The following DSCAM variants were observed in gnomAD, a reference collection of about 807,000 sequenced individuals.
DSCAM encodes cell adhesion molecule DSCAM.
In DSCAM, 47 loss-of-function variants were observed where a neutral mutation model predicts 217.7. The ratio of observed to expected loss-of-function variants is 0.22; its 90% CI spans 0.17 to 0.28. The LOEUF is 0.28. Among genes scored for constraint, DSCAM ranks in the 10% least tolerant of loss-of-function variants. The pLI is 1.00. For synonymous variants in DSCAM, 1,056 were observed against 1,015.3 expected, an observed-to-expected ratio of 1.04 and a Z score of -0.76; for missense variants, 2,080 against 2,618.3, an observed-to-expected ratio of 0.79 and a Z score of 4.49.
intron 3 of DSCAM, among the ~76,000 whole-genome samples, chr21:40,504,280 G>T (rs2076193435): frequency 6.6e-6 from 1 of 152,148 alleles, no homozygotes. Flanking sequence ...TCTGTACCAG[G>T]GATGTTGGCC....
intron 3 of DSCAM, among the ~76,000 whole-genome samples, chr21:40,423,499 C>T (rs1166069711): frequency 6.6e-6 from 1 of 152,178 alleles, no homozygotes; most frequent in African/African-American, 2.4e-5. Context: ...GTGCAAGACA[C>T]CTGAAGTGGG....
chr21:40,589,613 C>T (rs142035784), intron 3 of DSCAM, among the ~76,000 whole-genome samples: 57 of 152,166 alleles, frequency 3.7e-4, no homozygotes, highest in Middle Eastern at 3.4e-3. Context: ...AAACAAAAAA[C>T]CAACTAATAA....
chr21:40,626,358 G>A (rs968292148), intron 3 of DSCAM, among the ~76,000 whole-genome samples: 2 of 152,048 alleles, frequency 1.3e-5, no homozygotes, highest in African/African-American at 4.8e-5. Context: ...GTAGACACCT[G>A]AAATAACCCC....
Position 40,144,483 on chromosome 21 carries a change from G to T in DSCAM, c.3259+8C>A, listed in dbSNP as rs747655536. Reference sequence around the variant, plus strand: ...GAAAAGCCACGACCAGGCCCCGGCCGAACCTACCATCCTCGAGAGTGGTGG... The same window carrying T: ...GAAAAGCCACGACCAGGCCCCGGCCTAACCTACCATCCTCGAGAGTGGTGG... On this transcript the variant is annotated splice_region_variant and intron_variant, in intron 17 of 32. Transcript: ENST00000400454. The surrounding 1 kb of genome is among the most constrained non-coding windows in gnomAD (Gnocchi z 4.8). 4.3e-6 allele frequency: 7 copies of T among 1,613,236 alleles called. No homozygotes were observed. The highest frequency in any genetic ancestry group is 5.9e-6 in the Non-Finnish European group (7 of 1,179,356).
intron 3 of DSCAM, among the ~76,000 whole-genome samples, chr21:40,588,885 AT>A (rs2076964718): frequency 6.6e-6 from 1 of 152,216 alleles, no homozygotes; most frequent in South Asian, 2.1e-4. Flanking sequence ...AAATGCAACC[AT>A]TTATGTGAAG....
At chr21:40,417,028 C>T (rs915908643) in intron 3 of DSCAM, among the ~76,000 whole-genome samples, 2 of 152,066 alleles carry the variant, frequency 1.3e-5, no homozygotes, top group South Asian at 2.1e-4. Context: ...TGACATTGGT[C>T]TGATTTGGTT....
At chr21:40,666,843 G>T (rs1158649119) in intron 3 of DSCAM, among the ~76,000 whole-genome samples, 1 of 152,192 alleles carries the variant, frequency 6.6e-6, no homozygotes, top group Non-Finnish European at 1.5e-5. Context: ...GTGCAGCAAG[G>T]CACAAGAGTT....
intron 1 of DSCAM, among the ~76,000 whole-genome samples, chr21:40,754,453 G>T (rs1047810376): frequency 6.6e-6 from 1 of 152,180 alleles, no homozygotes; most frequent in Non-Finnish European, 1.5e-5. Flanking sequence ...AAAGGAAGAC[G>T]GTCAATGAAG....
At chr21:40,366,819 T>C (rs998376796) in intron 4 of DSCAM, among the ~76,000 whole-genome samples, 6 of 152,216 alleles carry the variant, frequency 3.9e-5, no homozygotes, top group Non-Finnish European at 7.3e-5. Flanking sequence ...CTATATGGGA[T>C]TGAACTGTAT....
chr21:40,203,894 T>G (rs1307049013), intron 11 of DSCAM, among the ~76,000 whole-genome samples: 1 of 152,218 alleles, frequency 6.6e-6, no homozygotes, highest in Non-Finnish European at 1.5e-5. Context: ...TTTAATGTGG[T>G]TTTTATAAAG....
In DSCAM at chr21:40,082,699, GAAA is replaced by G. The variant is rs35477822; in HGVS notation, c.4231+1206_4231+1208del. Among the ~76,000 whole-genome samples the G allele has an allele frequency of 3.3e-3, 459 of 138,006 alleles. 1 individual carries two copies. Among genetic ancestry groups the G allele is most frequent in the African/African-American group, 0.011 (395 of 37,550 alleles). 90.5% of individuals were successfully genotyped at this position (138,006 alleles called of 152,430 possible). On this transcript the variant is annotated intron_variant, in intron 24 of 32. Transcript: ENST00000400454. ...TCACCTCACTTTTTCTTTCCTAAAAGAAAAAAAAAAAAAAAAGATCTTCCCTTC... is the reference window on the plus strand; with the variant it reads ...TCACCTCACTTTTTCTTTCCTAAAAGAAAAAAAAAAAAAGATCTTCCCTTC...
Position 40,339,179 on chromosome 21 carries a change from G to A in DSCAM, c.1447C>T (p.Arg483Cys). 1 of 1,614,194 alleles carries A rather than the reference G, an allele frequency of 6.2e-7. No individual in the cohort carries two copies. The highest frequency in any genetic ancestry group is 8.5e-7 in the Non-Finnish European group (1 of 1,180,036). Reference sequence around the variant, plus strand: ...CCCGCCGAGTTGTTGGCAGTGCAGCGGTAGACTCCCCCGTCCCGGACCTGG... The same window carrying A: ...CCCGCCGAGTTGTTGGCAGTGCAGCAGTAGACTCCCCCGTCCCGGACCTGG... ...SSQVRDGGVY[R>C]CTANNSAGVV... is the part of the protein sequence containing the mutation. The change falls in exon 7 of 33, where the codon CGC becomes TGC. Residue 483 changes from arginine to cysteine, a missense_variant. Arg to Cys is a radical substitution (Grantham distance 180). This residue lies in a region of DSCAM where 568 missense variants were observed against 678.1 expected (regional missense o/e 0.84). Transcript: ENST00000400454.
intron 14 of DSCAM, among the ~76,000 whole-genome samples, chr21:40,182,549 C>G (rs146587571): frequency 1.3e-5 from 2 of 149,990 alleles, no homozygotes; most frequent in Non-Finnish European, 3.0e-5. Flanking sequence ...ACAGAGAAAC[C>G]GTGGACAGGA....
intron 3 of DSCAM, among the ~76,000 whole-genome samples, chr21:40,604,873 T>C (rs901006011): frequency 6.6e-6 from 1 of 152,204 alleles, no homozygotes; most frequent in African/African-American, 2.4e-5. Context: ...TTTGTTTGTT[T>C]GTTTTTTAGC....
chr21:40,533,579 A>ACCTGTCTG (rs1238157051), intron 3 of DSCAM, among the ~76,000 whole-genome samples: 11,977 of 133,192 alleles, frequency 0.09, 799 homozygotes, highest in African/African-American at 0.22. Flanking sequence ...CCATCCATCC[A>ACCTGTCTG]TCCAACCATC....
At chr21:40,767,922 A>C (rs1349627188) in intron 1 of DSCAM, among the ~76,000 whole-genome samples, 1 of 151,702 alleles carries the variant, frequency 6.6e-6, no homozygotes, top group Non-Finnish European at 1.5e-5. Context: ...GCGTGTGTGC[A>C]TGTTACATGG....
intron 20 of DSCAM, among the ~76,000 whole-genome samples, chr21:40,113,806 T>C (rs1202809394): frequency 6.6e-6 from 1 of 152,126 alleles, no homozygotes; most frequent in Non-Finnish European, 1.5e-5. Context: ...TGAACTCCCA[T>C]TTACAACTGC....
chr21:40,817,492 G>T (rs916177642), intron 1 of DSCAM, among the ~76,000 whole-genome samples: 3 of 152,204 alleles, frequency 2.0e-5, no homozygotes, highest in African/African-American at 7.2e-5. Context: ...TGACATCACA[G>T]GAGTAATGTG....
chr21:40,800,877 A>T (rs1353202326), intron 1 of DSCAM, among the ~76,000 whole-genome samples: 1 of 150,956 alleles, frequency 6.6e-6, no homozygotes, highest in Non-Finnish European at 1.5e-5. Flanking sequence ...CACCACGCCC[A>T]ACTAATTTTT....
Sources: allele counts gnomAD v4.1 joint callset (sites outside exome capture counted in the v4.1 genomes callset), GRCh38; gene constraint gnomAD v4.1.1; regional missense constraint gnomAD v4.1.1; non-coding constraint Gnocchi (gnomAD v3.1); transcripts MANE v1.5; gene names NCBI Gene and HGNC (gene_info 2026-07-23, HGNC 2026-07-21).